CADPS2: variants seen among roughly 807,000 people sequenced by gnomAD.
CADPS2 encodes calcium dependent secretion activator 2.
CADPS2 carries 93 observed loss-of-function variants against 172.5 expected under a neutral mutation model. The observed-to-expected ratio is 0.54, with a 90% confidence interval of 0.46 to 0.64. CADPS2 has a LOEUF of 0.64. CADPS2 is among the 30% of genes least tolerant of loss of function. CADPS2 has a pLI of 0.00. For synonymous variants in CADPS2, 546 were observed against 555.2 expected, an observed-to-expected ratio of 0.98 and a Z score of 0.23; for missense variants, 1,420 against 1,565.9, an observed-to-expected ratio of 0.91 and a Z score of 1.57.
intron 2 of CADPS2, among the ~76,000 whole-genome samples, chr7:122,735,754 C>A (rs551956148): frequency 2.2e-4 from 33 of 152,220 alleles, no homozygotes; most frequent in African/African-American, 7.0e-4. Flanking sequence ...AACTTTATAT[C>A]TTTTTATACA....
intron 2 of CADPS2, among the ~76,000 whole-genome samples, chr7:122,665,554 CACTT>C (rs1344049935): frequency 2.0e-5 from 3 of 152,176 alleles, no homozygotes; most frequent in Non-Finnish European, 4.4e-5. Flanking sequence ...ATGCTCAAAA[CACTT>C]ACATTAGCCT....
At chr7:122,622,408 T>A (rs1056604208) in intron 4 of CADPS2, among the ~76,000 whole-genome samples, 3 of 152,214 alleles carry the variant, frequency 2.0e-5, no homozygotes, top group African/African-American at 7.2e-5. Context: ...ATTTGGAAGA[T>A]TCTATTTTCT....
chr7:122,866,289 T>C (rs1248717119), intron 1 of CADPS2, among the ~76,000 whole-genome samples: 3 of 152,212 alleles, frequency 2.0e-5, no homozygotes, highest in African/African-American at 7.2e-5. Context: ...TACCACCTAT[T>C]CAAACTTTAA....
intron 2 of CADPS2, among the ~76,000 whole-genome samples, chr7:122,675,424 C>A (rs547434351): frequency 5.9e-5 from 9 of 152,332 alleles, no homozygotes; most frequent in Non-Finnish European, 1.2e-4. Context: ...TCTCTCCTTT[C>A]ATTTCCAGTT....
At chr7:122,413,954 CAAAG>C in intron 19 of CADPS2, 110 bp downstream of exon 19, 1 of 852,286 alleles carries the variant, frequency 1.2e-6, no homozygotes, top group Non-Finnish European at 1.8e-6. Context: ...TCTGTAATTT[CAAAG>C]AAAGGACTAA....
intron 8 of CADPS2, among the ~76,000 whole-genome samples, chr7:122,525,790 T>C (rs866342028): frequency 9.2e-5 from 14 of 152,172 alleles, no homozygotes; most frequent in Middle Eastern, 3.2e-3. Flanking sequence ...ATATTATGGT[T>C]AATTGAGAAA....
intron 4 of CADPS2, among the ~76,000 whole-genome samples, chr7:122,623,734 G>C (rs1041376023): frequency 4.6e-5 from 7 of 152,008 alleles, no homozygotes; most frequent in African/African-American, 1.7e-4. Context: ...ATTATGCGTT[G>C]AATAAAATCT....
intron 17 of CADPS2, among the ~76,000 whole-genome samples, chr7:122,430,159 G>A (rs1386293713): frequency 6.6e-6 from 1 of 152,028 alleles, no homozygotes; most frequent in Non-Finnish European, 1.5e-5. Flanking sequence ...GCAACTAGAA[G>A]GCCAAGAAAA....
chr7:122,645,670 T>TAC (rs2078452448), intron 3 of CADPS2, among the ~76,000 whole-genome samples: 1 of 88,862 alleles, frequency 1.1e-5, no homozygotes, highest in Admixed American at 1.3e-4. Flanking sequence ...TATATATATA[T>TAC]ATATATATAT....
At chr7:122,367,539 GTT>G (rs202155427) in intron 25 of CADPS2, among the ~76,000 whole-genome samples, 62 of 100,612 alleles carry the variant, frequency 6.2e-4, no homozygotes, top group Middle Eastern at 6.3e-3. Context: ...CCTTCCCCCA[GTT>G]TTTTTTTTTT....
chr7:122,575,563 A>C (rs2067916852), intron 7 of CADPS2, among the ~76,000 whole-genome samples: 1 of 151,818 alleles, frequency 6.6e-6, no homozygotes, highest in Non-Finnish European at 1.5e-5. Flanking sequence ...CAGCCTCCCA[A>C]GTAGGTGGGA....
At chr7:122,553,370 T>A (rs1007626424) in intron 8 of CADPS2, among the ~76,000 whole-genome samples, 1 of 152,150 alleles carries the variant, frequency 6.6e-6, no homozygotes, top group African/African-American at 2.4e-5. Flanking sequence ...AGATACTCCA[T>A]GTGCATTATA....
At chr7:122,789,337 G>A (rs965321916) in intron 1 of CADPS2, among the ~76,000 whole-genome samples, 1 of 152,148 alleles carries the variant, frequency 6.6e-6, no homozygotes, top group Non-Finnish European at 1.5e-5. Context: ...CACATTGCAA[G>A]GAAGGATTGG....
chr7:122,826,459 A>G (rs1804899096), intron 1 of CADPS2, among the ~76,000 whole-genome samples: 1 of 152,220 alleles, frequency 6.6e-6, no homozygotes, highest in Non-Finnish European at 1.5e-5. Flanking sequence ...CTAAATGAAA[A>G]GAGATAATCA....
At chr7:122,355,317 A>G (rs1219624023) in intron 27 of CADPS2, among the ~76,000 whole-genome samples, 2 of 152,194 alleles carry the variant, frequency 1.3e-5, no homozygotes, top group African/African-American at 2.4e-5. Flanking sequence ...ATGGTGGCAT[A>G]TGCCTGTAAT....
chr7:122,775,727 T>A (rs1183763062), intron 1 of CADPS2, among the ~76,000 whole-genome samples: 1 of 152,208 alleles, frequency 6.6e-6, no homozygotes, highest in Non-Finnish European at 1.5e-5. Flanking sequence ...TAATTTCCAA[T>A]CCCTGTCACC....
intron 14 of CADPS2, among the ~76,000 whole-genome samples, chr7:122,456,468 T>C (rs2152072137): frequency 6.6e-6 from 1 of 152,218 alleles, no homozygotes; most frequent in South Asian, 2.1e-4. Context: ...AATAGGGTGC[T>C]CTGTGAAAAA....
chr7:122,858,798 G>A (rs567913427), intron 1 of CADPS2, among the ~76,000 whole-genome samples: 3 of 152,250 alleles, frequency 2.0e-5, no homozygotes, highest in African/African-American at 7.2e-5. Context: ...GAAAACATTG[G>A]GGGCATAGTG....
intron 8 of CADPS2, among the ~76,000 whole-genome samples, chr7:122,516,119 T>C (rs1376025693): frequency 6.6e-6 from 1 of 152,056 alleles, no homozygotes; most frequent in Non-Finnish European, 1.5e-5. Flanking sequence ...AAAAGAGAAT[T>C]TGTGATTGGA....
Sources: gnomAD v4.1 joint callset for allele counts (sites outside exome capture counted in the v4.1 genomes callset) on GRCh38, gnomAD v4.1.1 for gene constraint, MANE v1.5 for transcripts, NCBI Gene and HGNC (gene_info 2026-07-23, HGNC 2026-07-21) for gene names.